TVP23A: variants seen among roughly 807,000 people sequenced by gnomAD.
TVP23A encodes the protein trans-golgi network vesicle protein 23 homolog A, also known as Golgi apparatus membrane protein TVP23 homolog A.
A neutral mutation model predicts 31.7 loss-of-function variants in TVP23A; 21 were observed. The ratio of observed to expected loss-of-function variants is 0.66; its 90% CI spans 0.47 to 0.95. The LOEUF (loss-of-function observed/expected upper bound fraction) is 0.95, where lower values mean the gene tolerates loss of function less well. TVP23A is among the 40% of genes least tolerant of loss of function. The pLI is 0.00. For missense variants in TVP23A, 279 were observed against 255.6 expected, an observed-to-expected ratio of 1.09 and a Z score of -0.62; for synonymous variants, 104 against 96.0, an observed-to-expected ratio of 1.08 and a Z score of -0.49.
At chr16:10,763,265 G>A (rs369621447), downstream of TVP23A, among the ~76,000 whole-genome samples, 18 of 152,032 alleles carry the variant, frequency 1.2e-4, no homozygotes, top group African/African-American at 4.3e-4. Flanking sequence ...TGAAGCCACA[G>A]GACATGGACA....
intron 2 of TVP23A, among the ~76,000 whole-genome samples, chr16:10,807,148 T>C (rs913949233): frequency 1.2e-4 from 18 of 152,284 alleles, no homozygotes; most frequent in African/African-American, 4.3e-4. Flanking sequence ...TCCTCACTCA[T>C]TGAGGTGAGC....
At chr16:10,758,240 A>G (rs540260370), downstream of TVP23A, among the ~76,000 whole-genome samples, 245 of 152,178 alleles carry the variant, frequency 1.6e-3, 3 homozygotes, top group African/African-American at 5.8e-3. Flanking sequence ...GGAGGCTGAG[A>G]TGGGAGGATC....
chr16:10,757,881 A>G (rs374564279), downstream of TVP23A: 3 of 1,613,604 alleles, frequency 1.9e-6, no homozygotes, highest in Non-Finnish European at 2.5e-6. The surrounding 1 kb of genome is among the most constrained non-coding windows in gnomAD (Gnocchi z 4.1). Context: ...AGGCATGATC[A>G]AGCAGTTCCT....
chr16:10,801,098 T>C (rs2033673762), intron 2 of TVP23A, among the ~76,000 whole-genome samples: 1 of 152,162 alleles, frequency 6.6e-6, no homozygotes, highest in African/African-American at 2.4e-5. Flanking sequence ...ATCAGCTCCT[T>C]TCTAAGGAGT....
intron 2 of TVP23A, among the ~76,000 whole-genome samples, chr16:10,795,064 C>T (rs1011281331): frequency 6.6e-6 from 1 of 152,046 alleles, no homozygotes; most frequent in Non-Finnish European, 1.5e-5. Context: ...GACATTGGAA[C>T]ACCCCAGAGA....
At chr16:10,788,338 G>T (rs1354135022) in intron 2 of TVP23A, among the ~76,000 whole-genome samples, 1 of 151,638 alleles carries the variant, frequency 6.6e-6, no homozygotes, top group Admixed American at 6.6e-5. Context: ...GCAGTGGTGC[G>T]ATCTCAGCTC....
chr16:10,775,154 C>A, intron 2 of TVP23A, 58 bp from the exon 3 acceptor site: 1 of 1,552,034 alleles, frequency 6.4e-7, no homozygotes, highest in Non-Finnish European at 8.7e-7. Context: ...GGTCACTGAA[C>A]TCCCTTTACC....
At chr16:10,757,600 T>C (rs1205354612), downstream of TVP23A, among the ~76,000 whole-genome samples, 2 of 152,118 alleles carry the variant, frequency 1.3e-5, no homozygotes, top group African/African-American at 2.4e-5. The surrounding 1 kb of genome is among the most constrained non-coding windows in gnomAD (Gnocchi z 4.1). Flanking sequence ...TCTCCAGACA[T>C]TGCAATTCAC....
intron 2 of TVP23A, among the ~76,000 whole-genome samples, chr16:10,778,217 C>T (rs2032193398): frequency 6.6e-6 from 1 of 151,934 alleles, no homozygotes; most frequent in Non-Finnish European, 1.5e-5. Flanking sequence ...GCCTGTAATC[C>T]CAGCTACTCA....
At chr16:10,802,241 C>CGTGTGTGTGT (rs61036988) in intron 2 of TVP23A, among the ~76,000 whole-genome samples, 4 of 130,396 alleles carry the variant, frequency 3.1e-5, no homozygotes, top group African/African-American at 9.2e-5. Context: ...TTATATGATA[C>CGTGTGTGTGT]GTGTGTGTGT....
Position 10,818,674 on chromosome 16 carries a change from G to A in TVP23A, c.-181C>T, listed in dbSNP as rs1307579390. On this transcript the variant is annotated 5_prime_UTR_variant, in exon 1 of 8. Transcript: ENST00000299866. The surrounding 1 kb of genome is among the most constrained non-coding windows in gnomAD (Gnocchi z 4.7). Reference sequence around the variant, plus strand: ...TCTCGGGTGGGGCGGGGCGCTCGGGGCCTAAGGCGCAGTCGCAGGCTGGGG... The same window carrying A: ...TCTCGGGTGGGGCGGGGCGCTCGGGACCTAAGGCGCAGTCGCAGGCTGGGG... The A allele has an allele frequency of 1.1e-5, 7 of 665,840 alleles. No individual in the cohort carries two copies. Among genetic ancestry groups the A allele is most frequent in the Non-Finnish European group, 1.6e-5 (7 of 433,070 alleles). 41.2% of individuals were successfully genotyped at this position (665,840 alleles called of 1,614,324 possible). A position where few individuals can be genotyped will look rare whatever the true frequency, so the allele number is the denominator to read the frequency against.
intron 2 of TVP23A, among the ~76,000 whole-genome samples, chr16:10,808,900 T>C (rs532864191): frequency 6.6e-6 from 1 of 152,320 alleles, no homozygotes; most frequent in African/African-American, 2.4e-5. Flanking sequence ...TTTCCTACTT[T>C]GGGTGGAAAT....
downstream of TVP23A, among the ~76,000 whole-genome samples, chr16:10,760,032 T>C (rs1213204555): frequency 2.0e-5 from 3 of 151,980 alleles, no homozygotes; most frequent in Non-Finnish European, 4.4e-5. Flanking sequence ...CTGAGGAAAA[T>C]AGGGAGCTAC....
At chr16:10,782,413 G>A (rs191272600) in intron 2 of TVP23A, among the ~76,000 whole-genome samples, 9 of 152,170 alleles carry the variant, frequency 5.9e-5, no homozygotes, top group Admixed American at 4.6e-4. Context: ...TAACTGTCTT[G>A]GTAAATTCTT....
chr16:10,765,229 T>C (rs1299555025), downstream of TVP23A: 1 of 147,234 alleles, frequency 6.8e-6, no homozygotes, highest in Non-Finnish European at 1.5e-5. This position sits in a 1 kb window ranked among gnomAD's most constrained non-coding sequence, Gnocchi z 4.0. Context: ...CAAAGTCTCC[T>C]GATACTAAAT....
At position 10,818,518 on chromosome 16, in the gene TVP23A, G is replaced by A. The variant is rs779805018; in HGVS notation, c.-25C>T. ...TCACCCTCCCAGGAGCCCACCTGGC[G>A]CCCAGGCCCGGGGCTCCAGCTCCGC... On this transcript the variant is annotated 5_prime_UTR_variant, in exon 1 of 8. Transcript: ENST00000299866. This position sits in a 1 kb window ranked among gnomAD's most constrained non-coding sequence, Gnocchi z 4.7. 6 of 1,600,494 alleles carry A rather than the reference G, an allele frequency of 3.7e-6. No homozygotes were observed. The highest frequency in any genetic ancestry group is 1.7e-4 in the Middle Eastern group (1 of 6,034).
At chr16:10,770,680 C>G (rs990721507) in intron 6 of TVP23A, among the ~76,000 whole-genome samples, 15 of 151,612 alleles carry the variant, frequency 9.9e-5, no homozygotes, top group Admixed American at 4.6e-4. Flanking sequence ...CGAGACCAGC[C>G]TGGTCAACAT....
At chr16:10,774,175 G>A (rs1187519448) in intron 3 of TVP23A, 47 bp from the exon 4 acceptor site, 10 of 1,431,340 alleles carry the variant, frequency 7.0e-6, no homozygotes, top group African/African-American at 4.2e-5. Flanking sequence ...AGGCAAAGAG[G>A]CTTATTCACT....
chr16:10,758,128 C>T (rs897417946), downstream of TVP23A: 6 of 1,369,724 alleles, frequency 4.4e-6, no homozygotes, highest in Non-Finnish European at 6.0e-6. Flanking sequence ...AAGGCTCTTC[C>T]CAGTGTGTGT....
Sources: allele counts gnomAD v4.1 joint callset (sites outside exome capture counted in the v4.1 genomes callset), GRCh38; gene constraint gnomAD v4.1.1; non-coding constraint Gnocchi (gnomAD v3.1); transcripts MANE v1.5; gene names NCBI Gene and HGNC (gene_info 2026-07-23, HGNC 2026-07-21).